PRKD1: variants seen among roughly 807,000 people sequenced by gnomAD.
The protein encoded by PRKD1 is protein kinase D1.
PRKD1 carries 63 observed loss-of-function variants against 95.9 expected under a neutral mutation model. The ratio of observed to expected loss-of-function variants is 0.66; its 90% confidence interval spans 0.54 to 0.81. The LOEUF (loss-of-function observed/expected upper bound fraction) is 0.81, where lower values mean the gene tolerates loss of function less well. Among genes scored for constraint, PRKD1 ranks in the 30% least tolerant of loss-of-function variants. PRKD1 has a pLI of 0.00. For missense variants in PRKD1, 1,048 were observed against 1,165.3 expected, an observed-to-expected ratio of 0.90 and a Z score of 1.47; for synonymous variants, 425 against 423.1, an observed-to-expected ratio of 1.00 and a Z score of -0.05.
chr14:29,611,406 A>C (rs1303097017), intron 13 of PRKD1, among the ~76,000 whole-genome samples: 1 of 151,788 alleles, frequency 6.6e-6, no homozygotes, highest in Non-Finnish European at 1.5e-5. Context: ...GGGCTCATAC[A>C]CTGGGGAATC....
At chr14:29,729,342 C>A (rs1458589931) in intron 1 of PRKD1, among the ~76,000 whole-genome samples, 1 of 152,020 alleles carries the variant, frequency 6.6e-6, no homozygotes, top group Non-Finnish European at 1.5e-5. Context: ...ACTTCATATT[C>A]AATATCTGTA....
intron 1 of PRKD1, among the ~76,000 whole-genome samples, chr14:29,881,724 T>C (rs1401861071): frequency 6.6e-6 from 1 of 152,138 alleles, no homozygotes; most frequent in African/African-American, 2.4e-5. Flanking sequence ...TTATTCTTCC[T>C]CTCTCCCAAA....
chr14:29,698,104 A>T (rs1278335881), intron 2 of PRKD1, among the ~76,000 whole-genome samples: 4 of 152,218 alleles, frequency 2.6e-5, no homozygotes, highest in Non-Finnish European at 5.9e-5. Flanking sequence ...ATAGATATTT[A>T]CAGCACTAAC....
At chr14:29,615,549 GT>G (rs1267745227) in intron 13 of PRKD1, among the ~76,000 whole-genome samples, 1 of 152,192 alleles carries the variant, frequency 6.6e-6, no homozygotes, top group Non-Finnish European at 1.5e-5. Context: ...ATCTTCCCAG[GT>G]TTTGCCAATG....
At chr14:29,750,305 T>A (rs957534889) in intron 1 of PRKD1, among the ~76,000 whole-genome samples, 3 of 152,124 alleles carry the variant, frequency 2.0e-5, no homozygotes, top group Non-Finnish European at 4.4e-5. Context: ...TAAAATAATG[T>A]ATAACAAAAC....
In PRKD1 at chr14:29,927,495, G is replaced by T. The variant is rs1456145451; in HGVS notation, c.18C>A (p.Val6=). MSAPP[V]LRPPSPLLPV... ...GCAGCAGCGGACTGGGCGGCCGCAGGACCGGAGGGGCGCTCATCGCTCGGC... is the reference window on the plus strand; with the variant it reads ...GCAGCAGCGGACTGGGCGGCCGCAGTACCGGAGGGGCGCTCATCGCTCGGC... Residue 6 remains valine (V), a synonymous_variant, in exon 1 of 18, where the codon GTC becomes GTA. Transcript: ENST00000331968. 7.4e-6 allele frequency: 9 copies of T among 1,213,216 alleles called. No homozygotes were observed. Among genetic ancestry groups the T allele is most frequent in the Non-Finnish European group, 9.2e-6 (9 of 978,862 alleles). The allele number at this position is 1,213,216 out of a possible 1,614,324, so 75.2% of individuals were successfully genotyped here. A position where few individuals can be genotyped will look rare whatever the true frequency, so the allele number is the denominator to read the frequency against.
intron 1 of PRKD1, among the ~76,000 whole-genome samples, chr14:29,822,872 C>T (rs1221957934): frequency 6.6e-6 from 1 of 151,960 alleles, no homozygotes; most frequent in Non-Finnish European, 1.5e-5. Flanking sequence ...AAAGGGATAC[C>T]TAACTAAAGA....
At chr14:29,727,250 T>G (rs1047220087) in intron 1 of PRKD1, among the ~76,000 whole-genome samples, 1 of 152,102 alleles carries the variant, frequency 6.6e-6, no homozygotes, top group African/African-American at 2.4e-5. Flanking sequence ...GGGGTTGTTT[T>G]TTTCTTGTAA....
chr14:29,726,470 G>A (rs1165466559), intron 1 of PRKD1, among the ~76,000 whole-genome samples: 1 of 152,142 alleles, frequency 6.6e-6, no homozygotes, highest in Non-Finnish European at 1.5e-5. Context: ...GGGAAAAGAT[G>A]CAAACTCAGG....
chr14:29,665,424 G>C (rs1172511705), intron 3 of PRKD1, among the ~76,000 whole-genome samples: 1 of 152,068 alleles, frequency 6.6e-6, no homozygotes, highest in Admixed American at 6.6e-5. Flanking sequence ...TTACACCACT[G>C]TGTGTGCCCC....
intron 1 of PRKD1, among the ~76,000 whole-genome samples, chr14:29,820,850 G>A (rs1034760950): frequency 2.0e-5 from 3 of 152,192 alleles, no homozygotes; most frequent in African/African-American, 7.2e-5. Context: ...ATCAGAGCTT[G>A]AATTGAGACA....
At chr14:29,721,931 A>G (rs1885918524) in intron 2 of PRKD1, among the ~76,000 whole-genome samples, 1 of 152,162 alleles carries the variant, frequency 6.6e-6, no homozygotes, top group Non-Finnish European at 1.5e-5. Context: ...GGGAGAAAAA[A>G]ATCAGCAAAT....
chr14:29,763,055 G>A (rs1888073582), intron 1 of PRKD1, among the ~76,000 whole-genome samples: 1 of 138,430 alleles, frequency 7.2e-6, no homozygotes, highest in Non-Finnish European at 1.5e-5. Context: ...ATGCTAAGGT[G>A]TTTAAAAAGT....
intron 1 of PRKD1, among the ~76,000 whole-genome samples, chr14:29,788,074 G>C (rs1889356254): frequency 6.6e-6 from 1 of 152,074 alleles, no homozygotes; most frequent in African/African-American, 2.4e-5. Context: ...CCAGATATAG[G>C]ACTACCTTAG....
At chr14:29,693,627 CAA>C (rs772835816) in intron 2 of PRKD1, among the ~76,000 whole-genome samples, 7 of 81,532 alleles carry the variant, frequency 8.6e-5, no homozygotes, top group Non-Finnish European at 1.8e-4. Context: ...TGACCTCAGT[CAA>C]AAAAAAAAAA....
At chr14:29,689,860 A>G (rs189499105) in intron 2 of PRKD1, among the ~76,000 whole-genome samples, 256 of 152,306 alleles carry the variant, frequency 1.7e-3, no homozygotes, top group Admixed American at 4.2e-3. Context: ...TCCTCAGCAA[A>G]TTAATGAACA....
chr14:29,709,080 A>G (rs1885220194), intron 2 of PRKD1, among the ~76,000 whole-genome samples: 2 of 152,300 alleles, frequency 1.3e-5, no homozygotes, highest in Non-Finnish European at 1.5e-5. Context: ...TCAGATCTAA[A>G]GAGAAGAGCT....
Position 29,773,004 on chromosome 14 carries a change from G to A in PRKD1, c.265-47330C>T, listed in dbSNP as rs45579638. Among the ~76,000 whole-genome samples the A allele has an allele frequency of 3.8e-3, 573 of 151,988 alleles. 4 individuals are homozygous for A. The highest frequency in any genetic ancestry group is 0.013 in the African/African-American group (529 of 41,432). On this transcript the variant is annotated intron_variant, in intron 1 of 17. Transcript: ENST00000331968. ...AATAATTTTAATTTTATTGGCACTC[G>A]GTGACTTAAGATTTCTTAGTTCTTA...
intron 1 of PRKD1, among the ~76,000 whole-genome samples, chr14:29,879,409 T>C (rs2139392680): frequency 6.6e-6 from 1 of 152,312 alleles, no homozygotes; most frequent in South Asian, 2.1e-4. Flanking sequence ...TTCTTCCTCG[T>C]TTTCTCTTGC....
Sources: allele counts gnomAD v4.1 joint callset (sites outside exome capture counted in the v4.1 genomes callset), GRCh38; gene constraint gnomAD v4.1.1; transcripts MANE v1.5; gene names NCBI Gene and HGNC (gene_info 2026-07-23, HGNC 2026-07-21).